The following ARHGAP15 variants were observed in gnomAD, a reference collection of about 807,000 sequenced individuals.
The protein encoded by ARHGAP15 is Rho GTPase activating protein 15.
ARHGAP15 carries 51 observed loss-of-function variants against 63.7 expected under a neutral mutation model. The observed-to-expected ratio is 0.80, with a 90% CI of 0.64 to 1.01. The LOEUF (loss-of-function observed/expected upper bound fraction) is 1.01, where lower values mean the gene tolerates loss of function less well. Among genes scored for constraint, ARHGAP15 ranks in the 50% least tolerant of loss-of-function variants. ARHGAP15 has a pLI of 0.00. For synonymous variants in ARHGAP15, 191 were observed against 193.8 expected (o/e 0.99, Z 0.12); for missense variants, 560 against 564.6 (o/e 0.99, Z 0.08).
At chr2:143,685,644 G>A (rs1683300970) in intron 12 of ARHGAP15, among the ~76,000 whole-genome samples, 1 of 152,076 alleles carries the variant, frequency 6.6e-6, no homozygotes, top group Non-Finnish European at 1.5e-5. Context: ...GTGTTAGCAG[G>A]GTTCGCAATG....
rs1682929210 is a variant in ARHGAP15, at chr2:143,678,354, A to G, written c.1139-25065A>G. Reference sequence around the variant, plus strand: ...GCATCTTGAGAAAGCCAAAATAAATACTAGCAAGTAGTTTTTGAAATTTTC... The same window carrying G: ...GCATCTTGAGAAAGCCAAAATAAATGCTAGCAAGTAGTTTTTGAAATTTTC... On this transcript the variant is annotated intron_variant, in intron 12 of 13. Coordinates refer to ENST00000295095, the MANE Select transcript of ARHGAP15 (RefSeq NM_018460.4). Among the ~76,000 whole-genome samples the G allele has an allele frequency of 2.0e-5, 3 of 152,244 alleles. No individual in the cohort carries two copies. The South Asian group carries it at 6.2e-4, about 31-fold the overall frequency.
At chr2:143,228,551 T>C (rs376540523) in intron 4 of ARHGAP15, 30 bp from the exon 5 acceptor site, 1 of 1,482,766 alleles carries the variant, frequency 6.7e-7, no homozygotes, top group African/African-American at 1.4e-5. Context: ...CTGATAATGC[T>C]TTCTTTCCCT....
intron 1 of ARHGAP15, among the ~76,000 whole-genome samples, chr2:143,151,325 C>G (rs189954746): frequency 6.6e-6 from 1 of 152,072 alleles, no homozygotes; most frequent in African/African-American, 2.4e-5. Flanking sequence ...CTCTAGGAGG[C>G]ACCATTTTCC....
chr2:143,404,421 G>C (rs1250795239), intron 6 of ARHGAP15, among the ~76,000 whole-genome samples: 1 of 151,860 alleles, frequency 6.6e-6, no homozygotes, highest in Non-Finnish European at 1.5e-5. Flanking sequence ...GACAGAAACA[G>C]ATGGGATCAA....
At chr2:143,456,922 C>A (rs1167203306) in intron 8 of ARHGAP15, among the ~76,000 whole-genome samples, 1 of 151,656 alleles carries the variant, frequency 6.6e-6, no homozygotes, top group East Asian at 1.9e-4. Context: ...ATGGAAAAAG[C>A]ATAAATGTCA....
chr2:143,359,913 A>G (rs922262712), intron 6 of ARHGAP15, among the ~76,000 whole-genome samples: 12 of 152,212 alleles, frequency 7.9e-5, no homozygotes, highest in African/African-American at 2.9e-4. Context: ...TCCCAAACCT[A>G]AAATGAGGAA....
At chr2:143,477,665 A>C (rs1691886129) in intron 8 of ARHGAP15, among the ~76,000 whole-genome samples, 1 of 152,208 alleles carries the variant, frequency 6.6e-6, no homozygotes, top group Admixed American at 6.5e-5. Context: ...CAAAGCCTAT[A>C]TTATTCAAAA....
intron 12 of ARHGAP15, among the ~76,000 whole-genome samples, chr2:143,685,532 G>GCATT (rs547934144): frequency 1.4e-3 from 217 of 152,280 alleles, no homozygotes; most frequent in African/African-American, 5.1e-3. Flanking sequence ...CACAAACCTG[G>GCATT]CATTCATACA....
At chr2:143,627,130 G>C (rs1698864786) in intron 12 of ARHGAP15, among the ~76,000 whole-genome samples, 1 of 152,162 alleles carries the variant, frequency 6.6e-6, no homozygotes, top group South Asian at 2.1e-4. Context: ...CAAGACTCCA[G>C]AACAGTGAGA....
chr2:143,174,100 T>C (rs1449271857), intron 2 of ARHGAP15, among the ~76,000 whole-genome samples: 1 of 152,076 alleles, frequency 6.6e-6, no homozygotes, highest in Non-Finnish European at 1.5e-5. Flanking sequence ...ATTCCCAGTG[T>C]AGTCACTGCT....
intron 2 of ARHGAP15, among the ~76,000 whole-genome samples, chr2:143,198,047 A>G (rs991954643): frequency 1.3e-5 from 2 of 151,926 alleles, no homozygotes; most frequent in African/African-American, 4.8e-5. Flanking sequence ...GCTTATTCCT[A>G]GATCTAGGTT....
chr2:143,138,369 T>C (rs1403712287), intron 1 of ARHGAP15, among the ~76,000 whole-genome samples: 1 of 152,090 alleles, frequency 6.6e-6, no homozygotes, highest in African/African-American at 2.4e-5. Context: ...CATGTTATTT[T>C]CAGTATGCCA....
Position 143,136,047 on chromosome 2 carries a change from C to T in ARHGAP15, c.-15+6581C>T, listed in dbSNP as rs541261698. Among the ~76,000 whole-genome samples the T allele has an allele frequency of 4.9e-4, 75 of 152,142 alleles. 1 individual carries two copies. The South Asian group carries it at 0.015, about 30-fold the overall frequency. On this transcript the variant is annotated intron_variant, in intron 1 of 13. Coordinates refer to ENST00000295095, the MANE Select transcript of ARHGAP15 (RefSeq NM_018460.4). ...TCAAAGCAAATCTCCTAATTACTGC[C>T]CACCTGTCCCCCAACCCAGCCTGCT...
At chr2:143,618,314 G>T (rs755803970) in intron 11 of ARHGAP15, among the ~76,000 whole-genome samples, 10 of 152,094 alleles carry the variant, frequency 6.6e-5, no homozygotes, top group Non-Finnish European at 1.2e-4. Context: ...TGATTTTAGG[G>T]CCAAACATAT....
intron 11 of ARHGAP15, among the ~76,000 whole-genome samples, chr2:143,572,807 G>A (rs1307367865): frequency 6.6e-6 from 1 of 152,022 alleles, no homozygotes; most frequent in Non-Finnish European, 1.5e-5. Context: ...TGCTAATCTA[G>A]TTATGTAGGA....
rs529746961 is a variant in ARHGAP15 at position 143,751,082 on chromosome 2, C to T, written c.1245-16907C>T. 6.6e-5 allele frequency among the ~76,000 whole-genome samples: 10 copies of T among 152,222 alleles called. No individual in the cohort carries two copies. In the East Asian group the frequency reaches 1.7e-3, roughly 26 times the overall value. ...CTGTCACAGGTTAGATTTAACATGG[C>T]GCCAGTTACCTATTAACACCAACAG... is the stretch of plus-strand genomic sequence containing the variant. On this transcript the variant is annotated intron_variant, in intron 13 of 13. Transcript: ENST00000295095.
chr2:143,426,274 AATG>A (rs1442698520), intron 6 of ARHGAP15, among the ~76,000 whole-genome samples: 1 of 152,156 alleles, frequency 6.6e-6, no homozygotes, highest in East Asian at 1.9e-4. Flanking sequence ...TCTTAAATAT[AATG>A]ATGATAATAG....
At chr2:143,549,657 C>A (rs952570858) in intron 10 of ARHGAP15, among the ~76,000 whole-genome samples, 9 of 152,142 alleles carry the variant, frequency 5.9e-5, no homozygotes, top group African/African-American at 2.2e-4. Flanking sequence ...AGCCTGAGAG[C>A]AATTTCTGTA....
At chr2:143,334,514 C>A (rs115395918) in intron 6 of ARHGAP15, among the ~76,000 whole-genome samples, 1 of 151,986 alleles carries the variant, frequency 6.6e-6, no homozygotes, top group Non-Finnish European at 1.5e-5. Flanking sequence ...AATACTATAA[C>A]CTGCTGCTGC....
Sources: allele counts gnomAD v4.1 joint callset (sites outside exome capture counted in the v4.1 genomes callset), GRCh38; gene constraint gnomAD v4.1.1; transcripts MANE v1.5; gene names NCBI Gene and HGNC (gene_info 2026-07-23, HGNC 2026-07-21).